Variants in TTLL3 observed in about 807,000 individuals in gnomAD.
TTLL3 encodes tubulin monoglycylase TTLL3.
Under a neutral mutation model 75.2 loss-of-function variants are expected in TTLL3, and 63 were observed. The ratio of observed to expected loss-of-function variants is 0.84; its 90% confidence interval spans 0.68 to 1.03. The LOEUF (loss-of-function observed/expected upper bound fraction) is 1.03. Ranked by LOEUF, TTLL3 falls within the 50% of genes least tolerant of loss-of-function variation. The pLI, the probability that TTLL3 is intolerant of heterozygous loss-of-function variation, is 0.00. For synonymous variants in TTLL3, 393 were observed against 418.5 expected, an observed-to-expected ratio of 0.94 and a Z score of 0.74; for missense variants, 997 against 1,069.9, an observed-to-expected ratio of 0.93 and a Z score of 0.95.
upstream of TTLL3, chr3:9,809,885 G>C: frequency 3.0e-6 from 2 of 659,532 alleles, no homozygotes; most frequent in Non-Finnish European, 4.2e-6. Flanking sequence ...ATAGCAAACG[G>C]GGCGGGGCTT....
At chr3:9,830,066 C>G (rs2081379047) in intron 11 of TTLL3, among the ~76,000 whole-genome samples, 1 of 152,202 alleles carries the variant, frequency 6.6e-6, no homozygotes, top group Non-Finnish European at 1.5e-5. Context: ...TGGTCTCGAG[C>G]TCCTGACCTC....
chr3:9,813,437 C>G, intron 4 of TTLL3, 92 bp downstream of exon 4: 2 of 1,412,950 alleles, frequency 1.4e-6, no homozygotes, highest in Non-Finnish European at 2.0e-6. Flanking sequence ...CAAGTCCTTT[C>G]TTTCTCTGGG....
In TTLL3 at chr3:9,834,912, G is replaced by C; in HGVS notation, c.2052+5G>C. 1 of 1,614,202 alleles carries C rather than the reference G, an allele frequency of 6.2e-7. No homozygotes were observed. The highest frequency in any genetic ancestry group is 8.5e-7 in the Non-Finnish European group (1 of 1,180,040). ...AGCATCCTGAAGCCAAGAAAGGTGG[G>C]CCTCGACCTGTGACTCACACCCAGT... On this transcript the variant is annotated splice_donor_5th_base_variant and intron_variant, in intron 13 of 13. Coordinates refer to ENST00000685419, the MANE Select transcript of TTLL3 (RefSeq NM_001387446.1).
chr3:9,824,357 C>G (rs1260418648), intron 8 of TTLL3, among the ~76,000 whole-genome samples: 1 of 152,216 alleles, frequency 6.6e-6, no homozygotes, highest in Non-Finnish European at 1.5e-5. Context: ...GGCTGAACCA[C>G]TCAACTTTCA....
At chr3:9,828,330 G>A (rs1387721700) in intron 10 of TTLL3, 1 of 152,142 alleles carries the variant, frequency 6.6e-6, no homozygotes, top group Admixed American at 6.6e-5. Flanking sequence ...TTTGAATCTG[G>A]TCATGTGAAA....
chr3:9,809,977 C>CCCTGGGAGGGCGGGCGCGGGATCAGGGGT, upstream of TTLL3: 6 of 1,303,650 alleles, frequency 4.6e-6, no homozygotes, highest in Non-Finnish European at 5.8e-6. Flanking sequence ...GGATCAGGGG[C>CCCTGGGAGGGCGGGCGCGGGATCAGGGGT]CCTGGGAGGG....
At chr3:9,815,687 T>A (rs7610410) in intron 4 of TTLL3, among the ~76,000 whole-genome samples, 132,355 of 152,318 alleles carry the variant, frequency 0.87, 57,718 homozygotes, top group Middle Eastern at 0.89. Flanking sequence ...TCAGCAGCTA[T>A]CTCCATAGGT....
chr3:9,834,407 C>T (rs1559229880), intron 12 of TTLL3: 1 of 645,004 alleles, frequency 1.6e-6, no homozygotes, highest in Non-Finnish European at 2.9e-6. Context: ...AAGGTAGGTG[C>T]TATTATCCCC....
In TTLL3 at chr3:9,810,694, GGA is replaced by G. The variant is rs780155984; in HGVS notation, c.39_40del (p.Arg13SerfsTer48). 2.5e-6 allele frequency: 4 copies of G among 1,587,062 alleles called. No homozygotes were observed. The highest frequency in any genetic ancestry group is 1.7e-4 in the Middle Eastern group (1 of 6,024). ...NRLRNAKIYV[E>X]RAVKQKKIFT... The stretch of plus-strand genomic sequence containing the variant: ...GGCTCAGAAACGCCAAAATCTACGT[GGA>G]GAGAGCTGTCAAGGTCAGAGGAGGG... On this transcript the variant is annotated frameshift_variant, in exon 2 of 14. Transcript: ENST00000685419. LOFTEE classifies it high-confidence loss of function. This position sits in a 1 kb window ranked among gnomAD's most constrained non-coding sequence, Gnocchi z 4.4.
At position 9,835,694 on chromosome 3, in the gene TTLL3, A is replaced by G. The variant is rs2081985073; in HGVS notation, c.*205A>G. ...TGGCAGTGAGTCGACGCAGGGACAT[A>G]TTGCCAGAACTGCCGAGCACTGGGA... On this transcript the variant is annotated 3_prime_UTR_variant, in exon 14 of 14. Coordinates refer to ENST00000685419, the MANE Select transcript of TTLL3 (RefSeq NM_001387446.1). 9.2e-6 allele frequency: 5 copies of G among 542,888 alleles called. No homozygotes were observed. Among genetic ancestry groups the G allele is most frequent in the Non-Finnish European group, 1.6e-5 (5 of 318,382 alleles). The allele number at this position is 542,888 out of a possible 1,614,324, so 33.6% of individuals were successfully genotyped here.
In TTLL3 at chr3:9,829,358, A is replaced by G. The variant is rs988814567; in HGVS notation, c.1646A>G (p.Asn549Ser). ...GTCATTGACCGGATGCTGGACCGCA[A>G]CTGTGACACAGGAGCCTTTGAGCTC... ...RVVIDRMLDR[N>S]CDTGAFELIY... is the part of the protein sequence containing the mutation. The change falls in exon 11 of 14, where the codon AAC becomes AGC. Residue 549 changes from asparagine to serine, a missense_variant. By Grantham distance (46) the Asn-to-Ser change is conservative. Coordinates refer to ENST00000685419, the MANE Select transcript of TTLL3 (RefSeq NM_001387446.1). 13 of 1,607,762 alleles carry G rather than the reference A, an allele frequency of 8.1e-6. No homozygotes were observed. The highest frequency in any genetic ancestry group is 3.4e-4 in the Middle Eastern group (2 of 5,912).
chr3:9,814,484 A>G (rs976636194), intron 4 of TTLL3, among the ~76,000 whole-genome samples: 3 of 151,822 alleles, frequency 2.0e-5, no homozygotes, highest in Admixed American at 6.6e-5. Context: ...TGTCTCTACT[A>G]AAAAAATAGA....
Position 9,824,625 on chromosome 3 carries a change from G to A in TTLL3, c.855-1175G>A, listed in dbSNP as rs547368762. ...GGGGTTTCACCATATTGGCCAGGAT[G>A]GTCTCAATCTCTTAACCTTGTGATC... On this transcript the variant is annotated intron_variant, in intron 8 of 13. Coordinates refer to ENST00000685419, the MANE Select transcript of TTLL3 (RefSeq NM_001387446.1). Among the ~76,000 whole-genome samples, 6 of 152,100 alleles carry A rather than the reference G, an allele frequency of 3.9e-5. No homozygotes were observed. The South Asian group carries it at 1.2e-3, about 32-fold the overall frequency.
chr3:9,811,462 C>T (rs534893971), intron 2 of TTLL3, among the ~76,000 whole-genome samples: 1 of 152,322 alleles, frequency 6.6e-6, no homozygotes, highest in East Asian at 1.9e-4. Context: ...TCATCTCCAC[C>T]TCCAAAACGA....
rs34646268 is a variant in TTLL3, at chr3:9,832,080, A to ATTTTTTTT, written c.1684-1009_1684-1002dup. Among the ~76,000 whole-genome samples, 10 of 84,820 alleles carry ATTTTTTTT rather than the reference A, an allele frequency of 1.2e-4. 1 individual carries two copies. Among genetic ancestry groups the ATTTTTTTT allele is most frequent in the Non-Finnish European group, 1.7e-4 (8 of 47,264 alleles). The allele number at this position is 84,820 out of a possible 152,430, so 55.6% of individuals were successfully genotyped here. The stretch of plus-strand genomic sequence containing the variant: ...AGCCACCGCGCCCGGCAATAGCTGC[A>ATTTTTTTT]TTTTTTTTTTTTTTTTTTTTTTGAG... On this transcript the variant is annotated intron_variant, in intron 11 of 13. Coordinates refer to ENST00000685419, the MANE Select transcript of TTLL3 (RefSeq NM_001387446.1).
Position 9,827,592 on chromosome 3 carries a change from T to A in TTLL3, c.1247+352T>A, listed in dbSNP as rs946782310. 2.2e-5 allele frequency: 6 copies of A among 271,492 alleles called. No homozygotes were observed. The Admixed American group carries it at 2.9e-4, about 13-fold the overall frequency. 16.8% of individuals were successfully genotyped at this position (271,492 alleles called of 1,614,324 possible). A position where few individuals can be genotyped will look rare whatever the true frequency, so the allele number is the denominator to read the frequency against. On this transcript the variant is annotated intron_variant, in intron 10 of 13. Transcript: ENST00000685419. ...TAAGTTTTTTAATGTAGACATGGGG[T>A]CTCACTATGTTGCCCAGGTTGGTCT...
At chr3:9,820,330 G>A (rs2080292283) in intron 7 of TTLL3, 2 of 1,402,666 alleles carry the variant, frequency 1.4e-6, no homozygotes, top group South Asian at 1.6e-5. Context: ...TCGAGTGACA[G>A]GTCCTGGGAC....
rs1315817857 is a variant in TTLL3 at position 9,836,158 on chromosome 3, G to T, written c.*669G>T. On this transcript the variant is annotated 3_prime_UTR_variant, in exon 14 of 14. Transcript: ENST00000685419. ...ACCGTTTCTACAGAAAATTAGCTGGGTGTGGTGGCACACACCTGTAGTCCT... is the reference window on the plus strand; with the variant it reads ...ACCGTTTCTACAGAAAATTAGCTGGTTGTGGTGGCACACACCTGTAGTCCT... The T allele has an allele frequency of 6.6e-6, 1 of 152,240 alleles. No homozygotes were observed. The highest frequency in any genetic ancestry group is 2.4e-5 in the African/African-American group (1 of 41,420). The allele number at this position is 152,240 out of a possible 1,614,324, so 9.4% of individuals were successfully genotyped here.
At position 9,828,997 on chromosome 3, in the gene TTLL3, C is replaced by G; in HGVS notation, c.1285C>G (p.Leu429Val). ...HLCNNSIQKHLENSCHRHPLL... is the reference protein window; with the variant it reads ...HLCNNSIQKHVENSCHRHPLL... ...GTGCAACAACTCCATCCAGAAGCAC[C>G]TGGAGAACTCATGCCATCGGCATCC... The change falls in exon 11 of 14, where the codon CTG becomes GTG. Residue 429 changes from leucine to valine, a missense_variant. By Grantham distance (32) the Leu-to-Val change is conservative. Coordinates refer to ENST00000685419, the MANE Select transcript of TTLL3 (RefSeq NM_001387446.1). The G allele has an allele frequency of 3.1e-6, 5 of 1,614,228 alleles. No homozygotes were observed. The highest frequency in any genetic ancestry group is 4.2e-6 in the Non-Finnish European group (5 of 1,180,046).
Sources: allele counts gnomAD v4.1 joint callset (sites outside exome capture counted in the v4.1 genomes callset), GRCh38; gene constraint gnomAD v4.1.1; non-coding constraint Gnocchi (gnomAD v3.1); transcripts MANE v1.5; gene names NCBI Gene and HGNC (gene_info 2026-07-23, HGNC 2026-07-21).